GCNT2: variants seen among roughly 807,000 people sequenced by gnomAD.
GCNT2 encodes glucosaminyl (N-acetyl) transferase 2 (I blood group).
In GCNT2, 34 loss-of-function variants were observed where a neutral mutation model predicts 34.2. The ratio of observed to expected loss-of-function variants is 1.00; its 90% CI spans 0.76 to 1.32. The LOEUF (loss-of-function observed/expected upper bound fraction) is 1.32, where lower values mean the gene tolerates loss of function less well. Ranked by LOEUF, GCNT2 falls within the 40% of genes most tolerant of loss-of-function variation. GCNT2 has a pLI of 0.00. For missense variants in GCNT2, 584 were observed against 489.4 expected (o/e 1.19, Z -1.82); for synonymous variants, 212 against 188.0 (o/e 1.13, Z -1.04).
Position 10,529,728 on chromosome 6 carries a change from T to C in GCNT2, c.817T>C (p.Phe273Leu). 6.2e-7 allele frequency: 1 copy of C among 1,614,126 alleles called. No homozygotes were observed. The highest frequency in any genetic ancestry group is 8.5e-7 in the Non-Finnish European group (1 of 1,179,980). ...GTAYVALTRD[F>L]ANFVLQDQLA... is the part of the protein sequence containing the mutation. Reference sequence around the variant, plus strand: ...GGCCTACGTGGCTCTCACAAGGGACTTTGCTAACTTCGTCCTCCAAGACCA... The same window carrying C: ...GGCCTACGTGGCTCTCACAAGGGACCTTGCTAACTTCGTCCTCCAAGACCA... The change falls in exon 3 of 5, where the codon TTT becomes CTT. Residue 273 changes from phenylalanine (F) to leucine (L), a missense_variant. Phe to Leu is a conservative substitution (Grantham distance 22). Transcript: ENST00000495262.
chr6:10,595,770 A>G (rs1300058396), intron 3 of GCNT2, among the ~76,000 whole-genome samples: 2 of 152,200 alleles, frequency 1.3e-5, no homozygotes, highest in Non-Finnish European at 2.9e-5. Context: ...TGGCTTCCTC[A>G]GTGTTAAAAC....
chr6:10,557,326 A>G (rs953096116), intron 3 of GCNT2: 2 of 1,612,532 alleles, frequency 1.2e-6, no homozygotes, highest in Non-Finnish European at 1.7e-6. Flanking sequence ...TCTGGGTGAC[A>G]CTCAATAGGA....
At chr6:10,591,795 G>T (rs1403733952) in intron 3 of GCNT2, among the ~76,000 whole-genome samples, 1 of 152,202 alleles carries the variant, frequency 6.6e-6, no homozygotes. Flanking sequence ...AATATGAGAG[G>T]CTAAGAAGAG....
intron 4 of GCNT2, among the ~76,000 whole-genome samples, chr6:10,625,035 T>C (rs112552154): frequency 6.6e-6 from 1 of 152,324 alleles, no homozygotes; most frequent in African/African-American, 2.4e-5. Flanking sequence ...TCTCGCCGCC[T>C]GGTCATTCTT....
At chr6:10,538,524 T>A (rs1045414263) in intron 3 of GCNT2, among the ~76,000 whole-genome samples, 3 of 146,894 alleles carry the variant, frequency 2.0e-5, no homozygotes, top group Non-Finnish European at 4.5e-5. Context: ...ACACCTTAAA[T>A]ATAAACCCTG....
At chr6:10,562,877 G>A (rs1050576420) in intron 3 of GCNT2, among the ~76,000 whole-genome samples, 1 of 152,054 alleles carries the variant, frequency 6.6e-6, no homozygotes, top group Non-Finnish European at 1.5e-5. Flanking sequence ...CCTACACTGG[G>A]TGGCAGGGTG....
chr6:10,526,883 A>G (rs1413390067), intron 1 of GCNT2, among the ~76,000 whole-genome samples: 1 of 152,168 alleles, frequency 6.6e-6, no homozygotes, highest in Non-Finnish European at 1.5e-5. Flanking sequence ...TGGGACCCTG[A>G]GGTAGGAGGA....
intron 3 of GCNT2, among the ~76,000 whole-genome samples, chr6:10,597,741 C>G (rs968801150): frequency 6.6e-6 from 1 of 150,738 alleles, no homozygotes; most frequent in African/African-American, 2.4e-5. Context: ...GGATTATAGG[C>G]GTGAGCCACC....
At chr6:10,573,231 C>T (rs1338639426) in intron 3 of GCNT2, 3 of 984,228 alleles carry the variant, frequency 3.0e-6, no homozygotes, top group African/African-American at 3.5e-5. Flanking sequence ...TCTTTTTCCT[C>T]GGATGCGACA....
intron 3 of GCNT2, among the ~76,000 whole-genome samples, chr6:10,567,840 C>T (rs1412596264): frequency 2.0e-5 from 3 of 152,172 alleles, no homozygotes; most frequent in Admixed American, 2.0e-4. Flanking sequence ...TGACTTTGCC[C>T]TCGAACTCTC....
At chr6:10,582,303 T>TAAATATATAAATATATA (rs1764128203) in intron 3 of GCNT2, among the ~76,000 whole-genome samples, 1 of 118,290 alleles carries the variant, frequency 8.5e-6, no homozygotes, top group African/African-American at 3.5e-5. Context: ...TACTATATAT[T>TAAATATATAAATATATA]TAATATATAG....
intron 4 of GCNT2, among the ~76,000 whole-genome samples, chr6:10,622,878 C>T (rs967787392): frequency 2.0e-5 from 3 of 151,502 alleles, no homozygotes; most frequent in Admixed American, 6.6e-5. Context: ...CCTCAGCCTC[C>T]CAAGTAGCTG....
intron 1 of GCNT2, among the ~76,000 whole-genome samples, chr6:10,526,886 T>G (rs1332406873): frequency 6.6e-6 from 1 of 152,104 alleles, no homozygotes; most frequent in Non-Finnish European, 1.5e-5. Context: ...GACCCTGAGG[T>G]AGGAGGATAG....
At chr6:10,625,269 A>G (rs770787660) in intron 4 of GCNT2, among the ~76,000 whole-genome samples, 2 of 152,180 alleles carry the variant, frequency 1.3e-5, no homozygotes, top group Admixed American at 6.5e-5. Context: ...AAACACTTCA[A>G]AATTAATCTT....
chr6:10,542,228 C>G (rs151274312), intron 3 of GCNT2, among the ~76,000 whole-genome samples: 264 of 152,290 alleles, frequency 1.7e-3, no homozygotes, highest in African/African-American at 6.0e-3. Context: ...TTTCCTGCCC[C>G]AGTTTTAGGC....
chr6:10,585,676 T>C (rs1248863080), intron 3 of GCNT2: 1 of 783,544 alleles, frequency 1.3e-6, no homozygotes, highest in Non-Finnish European at 1.8e-6. Context: ...ATTTCATATG[T>C]AAATGAGGAG....
chr6:10,601,943 G>GAAAAAAAAAAAAA (rs57927445), intron 3 of GCNT2, among the ~76,000 whole-genome samples: 2 of 113,052 alleles, frequency 1.8e-5, no homozygotes. Flanking sequence ...TCCATCTCAA[G>GAAAAAAAAAAAAA]AAAAAAAAAA....
rs1159058523 is a variant in GCNT2, at chr6:10,582,530, ATATAT to A, written c.926-38815_926-38811del. Among the ~76,000 whole-genome samples the A allele has an allele frequency of 8.6e-4, 86 of 100,344 alleles. 1 individual carries two copies. The highest frequency in any genetic ancestry group is 6.2e-3 in the East Asian group (30 of 4,828). The allele number at this position is 100,344 out of a possible 152,430, so 65.8% of individuals were successfully genotyped here. A position where few individuals can be genotyped will look rare whatever the true frequency, so the allele number is the denominator to read the frequency against. On this transcript the variant is annotated intron_variant, in intron 3 of 4. Coordinates refer to ENST00000495262, the MANE Select transcript of GCNT2 (RefSeq NM_145649.5). Reference sequence around the variant, plus strand: ...TACATCATATATTATATTATACATCATATATTATATATCATGTATAATATATATCA... The same window carrying A: ...TACATCATATATTATATTATACATCATATATATCATGTATAATATATATCA...
chr6:10,578,312 C>T lies in GCNT2; in HGVS notation c.926-43039C>T, dbSNP rs537192732. On this transcript the variant is annotated intron_variant, in intron 3 of 4. Coordinates refer to ENST00000495262, the MANE Select transcript of GCNT2 (RefSeq NM_145649.5). The stretch of plus-strand genomic sequence containing the variant: ...AGGAGAATCGCTTGAATCCAGGAGG[C>T]GAAGGTTGCAGTGAGCCGAGATTGA... Among the ~76,000 whole-genome samples, 4 of 148,212 alleles carry T rather than the reference C, an allele frequency of 2.7e-5. No homozygotes were observed. In the South Asian group the frequency reaches 8.6e-4, roughly 32 times the overall value.
Sources: allele counts gnomAD v4.1 joint callset (sites outside exome capture counted in the v4.1 genomes callset), GRCh38; gene constraint gnomAD v4.1.1; transcripts MANE v1.5; gene names NCBI Gene and HGNC (gene_info 2026-07-23, HGNC 2026-07-21).